The following RANBP9 variants were observed in gnomAD, a reference collection of about 807,000 sequenced individuals.
RANBP9 encodes the protein RAN binding protein 9, also known as ran-binding protein 9.
Under a neutral mutation model 84.3 loss-of-function variants are expected in RANBP9, and 15 were observed. The ratio of observed to expected loss-of-function variants is 0.18; its 90% CI spans 0.12 to 0.27. The LOEUF is 0.27. RANBP9 is among the 10% of genes least tolerant of loss of function. RANBP9 has a pLI of 1.00. For missense variants in RANBP9, 809 were observed against 912.8 expected (o/e 0.89, Z 1.46); for synonymous variants, 392 against 349.6 (o/e 1.12, Z -1.35).
intron 11 of RANBP9, 124 bp from the exon 12 acceptor site, chr6:13,632,645 T>C (rs749173859): frequency 2.4e-4 from 219 of 923,184 alleles, no homozygotes; most frequent in Non-Finnish European, 3.1e-4. Context: ...CATCTAAATA[T>C]GCAGATTGTT....
Position 13,700,904 on chromosome 6 carries a change from T to C in RANBP9, c.572-4008A>G, listed in dbSNP as rs181503138. Among the ~76,000 whole-genome samples the C allele has an allele frequency of 1.4e-3, 218 of 152,312 alleles. 3 individuals are homozygous for C. Among genetic ancestry groups the C allele is most frequent in the Non-Finnish European group, 2.5e-3 (172 of 68,036 alleles). On this transcript the variant is annotated intron_variant, in intron 1 of 13. Transcript: ENST00000011619. ...TAAGGGGTTGCTCCAGCTTTATAGT[T>C]TGCATAAGTCCTGTTACTTTTAGCG...
At chr6:13,689,666 C>T in intron 2 of RANBP9, among the ~76,000 whole-genome samples, 1 of 152,166 alleles carries the variant, frequency 6.6e-6, no homozygotes, top group East Asian at 1.9e-4. Context: ...TGCACTCTTC[C>T]TGTGAGACTA....
rs1243979446 is a variant in RANBP9 at position 13,625,753 on chromosome 6, A to G, written c.1959T>C (p.Ser653=). The part of the protein sequence containing the change: ...ANKKMLKDAF[S]LLAYSDPWNS... ...TCCAGGGATCTGAATATGCTAGTAG[A>G]CTGAATGCATCCTGTTGAAAACACA... The change falls in exon 13 of 14, where the codon AGT becomes AGC. Residue 653 remains serine, a synonymous_variant. Transcript: ENST00000011619. 1 of 1,602,542 alleles carries G rather than the reference A, an allele frequency of 6.2e-7. No homozygotes were observed.
chr6:13,659,057 C>T (rs1270679694), intron 2 of RANBP9, among the ~76,000 whole-genome samples: 1 of 152,020 alleles, frequency 6.6e-6, no homozygotes, highest in Non-Finnish European at 1.5e-5. Context: ...TTCATAAATA[C>T]ACACAAAGCA....
At chr6:13,643,585 C>T (rs1765115174) in intron 6 of RANBP9, among the ~76,000 whole-genome samples, 1 of 152,138 alleles carries the variant, frequency 6.6e-6, no homozygotes, top group Admixed American at 6.5e-5. Context: ...CTCAAGAGTT[C>T]ATGGTGAACA....
At chr6:13,685,743 C>T (rs578086274) in intron 2 of RANBP9, among the ~76,000 whole-genome samples, 30 of 152,054 alleles carry the variant, frequency 2.0e-4, no homozygotes, top group Non-Finnish European at 2.5e-4. Flanking sequence ...TCCTGGCCAA[C>T]ATGGTGAAAC....
intron 2 of RANBP9, among the ~76,000 whole-genome samples, chr6:13,682,840 A>C (rs1766076855): frequency 1.3e-5 from 2 of 152,242 alleles, no homozygotes; most frequent in South Asian, 4.1e-4. Flanking sequence ...GAGACTTTAA[A>C]ACTGATTTGG....
chr6:13,652,788 A>T, intron 4 of RANBP9, 107 bp from the exon 5 acceptor site: 1 of 930,688 alleles, frequency 1.1e-6, no homozygotes, highest in Non-Finnish European at 1.7e-6. Flanking sequence ...AAAGAAAAAA[A>T]CATTAAAGCC....
chr6:13,648,664 T>C (rs1765227201), intron 5 of RANBP9, among the ~76,000 whole-genome samples: 1 of 152,188 alleles, frequency 6.6e-6, no homozygotes, highest in Non-Finnish European at 1.5e-5. Flanking sequence ...GTACACAATA[T>C]AAATTTATAT....
chr6:13,651,389 GTT>G lies in RANBP9; in HGVS notation c.927+1268_927+1269del, dbSNP rs202112619. Among the ~76,000 whole-genome samples the G allele has an allele frequency of 4.3e-3, 492 of 113,808 alleles. 7 individuals carry two copies. Among genetic ancestry groups the G allele is most frequent in the African/African-American group, 0.018 (458 of 24,912 alleles). The allele number at this position is 113,808 out of a possible 152,430, so 74.7% of individuals were successfully genotyped here. A position where few individuals can be genotyped will look rare whatever the true frequency, so the allele number is the denominator to read the frequency against. Reference sequence around the variant, plus strand: ...CATATAGTTTTTTGTTGTTGTTGTTGTTTTGTTTTTTTGTTTTTTTTTTGAGA... The same window carrying G: ...CATATAGTTTTTTGTTGTTGTTGTTGTTGTTTTTTTGTTTTTTTTTTGAGA... On this transcript the variant is annotated intron_variant, in intron 5 of 13. Coordinates refer to ENST00000011619, the MANE Select transcript of RANBP9 (RefSeq NM_005493.3).
At chr6:13,708,942 G>T (rs72831043) in intron 1 of RANBP9, among the ~76,000 whole-genome samples, 2,715 of 152,034 alleles carry the variant, frequency 0.018, 39 homozygotes, top group South Asian at 0.05. Context: ...ATAGAAGAGA[G>T]GAAAAATAAA....
chr6:13,693,187 G>A (rs1261646998), intron 2 of RANBP9, among the ~76,000 whole-genome samples: 1 of 152,096 alleles, frequency 6.6e-6, no homozygotes, highest in African/African-American at 2.4e-5. Flanking sequence ...ATAGAGAAAG[G>A]GATAAGAGAA....
chr6:13,630,693 A>G (rs1764755251), intron 12 of RANBP9, among the ~76,000 whole-genome samples: 2 of 152,272 alleles, frequency 1.3e-5, no homozygotes, highest in South Asian at 4.1e-4. Context: ...CTCTGACTAT[A>G]TAGTGGAATT....
At chr6:13,670,754 C>A (rs1765759383) in intron 2 of RANBP9, among the ~76,000 whole-genome samples, 2 of 138,958 alleles carry the variant, frequency 1.4e-5, no homozygotes, top group Non-Finnish European at 3.1e-5. Flanking sequence ...TAGCCAAGAT[C>A]ATACCACTGC....
At chr6:13,659,816 C>T (rs1252405981) in intron 2 of RANBP9, among the ~76,000 whole-genome samples, 2 of 152,136 alleles carry the variant, frequency 1.3e-5, no homozygotes, top group Non-Finnish European at 2.9e-5. Context: ...GTAAAACACA[C>T]TGAAGGCATT....
chr6:13,686,102 C>A (rs1243619309), intron 2 of RANBP9, among the ~76,000 whole-genome samples: 7 of 1,894 alleles, frequency 3.7e-3, no homozygotes, highest in African/African-American at 0.013. Flanking sequence ...AAATTTCTTC[C>A]CCCCCCCCCC....
chr6:13,640,270 C>G (rs1220214060), intron 8 of RANBP9, among the ~76,000 whole-genome samples: 1 of 152,096 alleles, frequency 6.6e-6, no homozygotes, highest in Non-Finnish European at 1.5e-5. Flanking sequence ...AAGTTGAAAT[C>G]TGAAGCTCAG....
intron 5 of RANBP9, among the ~76,000 whole-genome samples, 178 bp from the exon 6 acceptor site, chr6:13,644,907 AT>A (rs2127766359): frequency 6.6e-6 from 1 of 152,332 alleles, no homozygotes; most frequent in South Asian, 2.1e-4. Flanking sequence ...AGATGAAAAA[AT>A]ATCACTTCCT....
intron 2 of RANBP9, among the ~76,000 whole-genome samples, chr6:13,688,399 C>T (rs1199288129): frequency 2.0e-5 from 3 of 152,168 alleles, no homozygotes; most frequent in Non-Finnish European, 4.4e-5. Context: ...ATAGACTTCC[C>T]TGATCACCAC....
Sources: gnomAD v4.1 joint callset for allele counts (sites outside exome capture counted in the v4.1 genomes callset) on GRCh38, gnomAD v4.1.1 for gene constraint, MANE v1.5 for transcripts, NCBI Gene and HGNC (gene_info 2026-07-23, HGNC 2026-07-21) for gene names.